STARD13: variants seen among roughly 807,000 people sequenced by gnomAD.
The protein encoded by STARD13 is StAR related lipid transfer domain containing 13.
Under a neutral mutation model 106.4 loss-of-function variants are expected in STARD13, and 62 were observed. The observed-to-expected ratio is 0.58, with a 90% CI of 0.48 to 0.72. STARD13 has a LOEUF of 0.72. Ranked by LOEUF, STARD13 falls within the 30% of genes least tolerant of loss-of-function variation. The probability of loss-of-function intolerance (pLI) is 0.00; values close to 1 mark genes in which losing one functional copy is unlikely to be tolerated. For missense variants in STARD13, 1,387 were observed against 1,424.0 expected (o/e 0.97, Z 0.42); for synonymous variants, 565 against 553.0 (o/e 1.02, Z -0.31).
At chr13:33,354,420 C>T (rs1016953304), upstream of STARD13, among the ~76,000 whole-genome samples, 9 of 152,222 alleles carry the variant, frequency 5.9e-5, no homozygotes, top group Non-Finnish European at 1.0e-4. Context: ...GATTCCTCTT[C>T]CATTGTGTTT....
chr13:33,249,613 G>A (rs1284717814), intron 1 of STARD13, among the ~76,000 whole-genome samples: 2 of 152,098 alleles, frequency 1.3e-5, no homozygotes, highest in Non-Finnish European at 1.5e-5. Context: ...TTGCAATTAA[G>A]GAAACTAAGC....
chr13:33,256,085 TAC>T (rs1890349917), intron 1 of STARD13, among the ~76,000 whole-genome samples: 1 of 152,244 alleles, frequency 6.6e-6, no homozygotes, highest in African/African-American at 2.4e-5. Flanking sequence ...GAGCCAAGTA[TAC>T]ACTCAACAAT....
chr13:33,271,835 TA>T (rs952345192), intron 1 of STARD13, among the ~76,000 whole-genome samples: 100 of 147,072 alleles, frequency 6.8e-4, no homozygotes, highest in African/African-American at 2.0e-3. Flanking sequence ...AACATACAAA[TA>T]AAAAAAAAAC....
Position 33,130,685 on chromosome 13 carries a change from G to A in STARD13, c.388-396C>T, listed in dbSNP as rs1878161330. On this transcript the variant is annotated intron_variant, in intron 4 of 13. Transcript: ENST00000336934. The surrounding 1 kb of genome is among the most constrained non-coding windows in gnomAD (Gnocchi z 4.1). The stretch of plus-strand genomic sequence containing the variant: ...AAGGAACTCAACTCTGCCATAAAAG[G>A]CACTTACTTCTTTCCAGAAACCTCT... Among the ~76,000 whole-genome samples, 1 of 152,104 alleles carries A rather than the reference G, an allele frequency of 6.6e-6. No homozygotes were observed. The highest frequency in any genetic ancestry group is 1.5e-5 in the Non-Finnish European group (1 of 68,034).
At chr13:33,266,516 T>C (rs975329826) in intron 1 of STARD13, among the ~76,000 whole-genome samples, 6 of 152,222 alleles carry the variant, frequency 3.9e-5, no homozygotes, top group Admixed American at 2.6e-4. Flanking sequence ...GCCAACCTTA[T>C]CATCTGTATT....
At chr13:33,308,355 T>C (rs1296324400) in intron 1 of STARD13, among the ~76,000 whole-genome samples, 1 of 152,130 alleles carries the variant, frequency 6.6e-6, no homozygotes, top group Non-Finnish European at 1.5e-5. Flanking sequence ...GACACAAGTA[T>C]AGGGTTTATA....
chr13:33,132,588 C>T (rs558330613), intron 4 of STARD13, among the ~76,000 whole-genome samples: 3 of 152,096 alleles, frequency 2.0e-5, no homozygotes, highest in African/African-American at 4.8e-5. Context: ...CAGTGGCTCA[C>T]GCCTGTAATC....
chr13:33,193,565 A>T (rs570285135), intron 1 of STARD13, among the ~76,000 whole-genome samples: 1 of 152,208 alleles, frequency 6.6e-6, no homozygotes, highest in Non-Finnish European at 1.5e-5. Context: ...GAAGCTTAGA[A>T]CACAACCAGC....
the STARD13 span, among the ~76,000 whole-genome samples, chr13:33,442,474 G>A: frequency 6.6e-6 from 1 of 152,116 alleles, no homozygotes; most frequent in African/African-American, 2.4e-5. Context: ...CAAAAGTATG[G>A]CCAAGTATTA....
At chr13:33,119,679 T>G (rs1333844597) in intron 7 of STARD13, among the ~76,000 whole-genome samples, 2 of 152,214 alleles carry the variant, frequency 1.3e-5, no homozygotes, top group African/African-American at 4.8e-5. Context: ...ACAGAATTCT[T>G]AGTAATATTT....
intron 1 of STARD13, among the ~76,000 whole-genome samples, chr13:33,308,004 A>T (rs1184322549): frequency 6.6e-6 from 1 of 152,168 alleles, no homozygotes; most frequent in East Asian, 1.9e-4. Context: ...CCATTGTTTC[A>T]TTCCATCATT....
chr13:33,209,173 C>T (rs919014596), intron 1 of STARD13, among the ~76,000 whole-genome samples: 7 of 152,164 alleles, frequency 4.6e-5, no homozygotes, highest in East Asian at 1.9e-4. Context: ...TTGGCACCTG[C>T]GTTCCCCAGG....
the STARD13 span, among the ~76,000 whole-genome samples, chr13:33,605,010 G>C: frequency 6.6e-6 from 1 of 151,976 alleles, no homozygotes; most frequent in African/African-American, 2.4e-5. Context: ...GGGAGGCCAA[G>C]GGAGGATTGC....
At chr13:33,564,195 C>T in the STARD13 span, among the ~76,000 whole-genome samples, 4 of 115,130 alleles carry the variant, frequency 3.5e-5, no homozygotes, top group African/African-American at 1.4e-4. Context: ...CAACAGACTG[C>T]GACTGTATCT....
At chr13:33,248,486 A>G (rs1889941083) in intron 1 of STARD13, among the ~76,000 whole-genome samples, 1 of 152,246 alleles carries the variant, frequency 6.6e-6, no homozygotes, top group Non-Finnish European at 1.5e-5. Flanking sequence ...TGTGAGCTGT[A>G]GCTTCCAGTG....
chr13:33,542,131 TG>T, the STARD13 span, among the ~76,000 whole-genome samples: 4 of 152,144 alleles, frequency 2.6e-5, no homozygotes, highest in Non-Finnish European at 5.9e-5. Flanking sequence ...AATTTGAAAA[TG>T]TTTTTGGTTC....
Position 33,109,769 on chromosome 13 carries a change from G to A in STARD13, c.3047+104C>T, listed in dbSNP as rs75480366. The stretch of plus-strand genomic sequence containing the variant: ...AACAAGAGCCGGCTTAGTGTTCCCC[G>A]TGGAGGCTGGACTTTGGTGGGAGAC... On this transcript the variant is annotated intron_variant, in intron 12 of 13. Transcript: ENST00000336934. 3.9e-4 allele frequency: 417 copies of A among 1,062,784 alleles called. No homozygotes were observed. In the African/African-American group the frequency reaches 5.5e-3, roughly 14 times the overall value. The allele number at this position is 1,062,784 out of a possible 1,614,324, so 65.8% of individuals were successfully genotyped here. A position where few individuals can be genotyped will look rare whatever the true frequency, so the allele number is the denominator to read the frequency against.
At chr13:33,404,053 T>C in the STARD13 span, among the ~76,000 whole-genome samples, 1 of 152,186 alleles carries the variant, frequency 6.6e-6, no homozygotes, top group African/African-American at 2.4e-5. Context: ...TAATAGCTAG[T>C]GTTATTGATG....
At chr13:33,112,152 T>G (rs181187746) in intron 9 of STARD13, among the ~76,000 whole-genome samples, 16 of 152,334 alleles carry the variant, frequency 1.1e-4, no homozygotes, top group Admixed American at 9.8e-4. Context: ...TTCCAAAGTT[T>G]GAAACCCCTT....
Sources: allele counts gnomAD v4.1 joint callset (sites outside exome capture counted in the v4.1 genomes callset), GRCh38; gene constraint gnomAD v4.1.1; non-coding constraint Gnocchi (gnomAD v3.1); transcripts MANE v1.5; gene names NCBI Gene and HGNC (gene_info 2026-07-23, HGNC 2026-07-21).